The following TENM3 variants were observed in gnomAD, a reference collection of about 807,000 sequenced individuals.
TENM3 encodes the protein teneurin-3.
In TENM3, 63 loss-of-function variants were observed where a neutral mutation model predicts 255.1. The observed-to-expected ratio is 0.25, with a 90% CI of 0.20 to 0.30. The LOEUF (loss-of-function observed/expected upper bound fraction) is 0.30. Among genes scored for constraint, TENM3 ranks in the 10% least tolerant of loss-of-function variants. TENM3 has a pLI of 1.00. For synonymous variants in TENM3, 1,306 were observed against 1,322.3 expected (o/e 0.99, Z 0.27); for missense variants, 2,929 against 3,461.1 (o/e 0.85, Z 3.86).
chr4:181,605,572 G>GAAAGAAAGAAAGAAAGAAAGAA, the TENM3 span, among the ~76,000 whole-genome samples: 1 of 20,022 alleles, frequency 5.0e-5, no homozygotes, highest in Non-Finnish European at 1.3e-4. Context: ...GAAAGAAAGA[G>GAAAGAAAGAAAGAAAGAAAGAA]AGAGAAAGAA....
At chr4:181,780,940 G>A in the TENM3 span, among the ~76,000 whole-genome samples, 9 of 152,032 alleles carry the variant, frequency 5.9e-5, 1 homozygote, top group Admixed American at 1.3e-4. Flanking sequence ...ATAGGTGTGT[G>A]GTATTATTTC....
the TENM3 span, among the ~76,000 whole-genome samples, chr4:181,890,737 C>T: frequency 6.6e-6 from 1 of 152,076 alleles, no homozygotes; most frequent in Non-Finnish European, 1.5e-5. Flanking sequence ...GGGGCCCCAA[C>T]CATTTGTATG....
chr4:182,257,616 G>A (rs1758495455), intron 1 of TENM3, among the ~76,000 whole-genome samples: 1 of 152,154 alleles, frequency 6.6e-6, no homozygotes, highest in Non-Finnish European at 1.5e-5. Context: ...TAACTAACTT[G>A]CAGAAACCTG....
the TENM3 span, among the ~76,000 whole-genome samples, chr4:182,086,513 A>T: frequency 2.0e-5 from 3 of 152,194 alleles, no homozygotes; most frequent in Non-Finnish European, 2.9e-5. Flanking sequence ...GCTACGATAG[A>T]AGAAGAGAAA....
At chr4:182,263,533 T>C (rs1759013413) in intron 1 of TENM3, among the ~76,000 whole-genome samples, 1 of 152,172 alleles carries the variant, frequency 6.6e-6, no homozygotes, top group Non-Finnish European at 1.5e-5. Flanking sequence ...GTTGCACTCT[T>C]TATTAATGGC....
the TENM3 span, among the ~76,000 whole-genome samples, chr4:181,685,884 G>A: frequency 3.0e-4 from 46 of 152,138 alleles, no homozygotes; most frequent in African/African-American, 9.4e-4. Flanking sequence ...ATCTACTAGT[G>A]GGTGTTCCTA....
chr4:182,304,329 C>T (rs1029023901), intron 1 of TENM3, among the ~76,000 whole-genome samples: 3 of 152,080 alleles, frequency 2.0e-5, no homozygotes, highest in Non-Finnish European at 4.4e-5. Flanking sequence ...TCTCCTCCCT[C>T]AGCCTCTCAA....
chr4:181,652,142 T>TTA, the TENM3 span, among the ~76,000 whole-genome samples: 3 of 114,666 alleles, frequency 2.6e-5, no homozygotes, highest in East Asian at 7.7e-4. Flanking sequence ...CACTTTGGGG[T>TTA]AAAAAAAAAA....
the TENM3 span, among the ~76,000 whole-genome samples, chr4:181,694,016 C>G: frequency 6.6e-6 from 1 of 152,126 alleles, no homozygotes; most frequent in African/African-American, 2.4e-5. Context: ...TCCCACTAAG[C>G]TTTCACGTCT....
chr4:182,710,131 G>A (rs988524942), intron 12 of TENM3, among the ~76,000 whole-genome samples: 5 of 152,246 alleles, frequency 3.3e-5, no homozygotes, highest in African/African-American at 7.2e-5. Flanking sequence ...CAGGCCTAAC[G>A]TAAAAGCAAA....
chr4:181,511,434 A>AC, the TENM3 span, among the ~76,000 whole-genome samples: 3 of 152,160 alleles, frequency 2.0e-5, no homozygotes, highest in African/African-American at 7.2e-5. Context: ...CTGGAGGAGG[A>AC]GGACAGAAGG....
intron 4 of TENM3, among the ~76,000 whole-genome samples, chr4:182,606,827 A>G (rs1017274130): frequency 4.6e-5 from 7 of 152,236 alleles, no homozygotes; most frequent in African/African-American, 1.7e-4. Flanking sequence ...ATGTGAAAGA[A>G]GGTTCTAGAC....
the TENM3 span, among the ~76,000 whole-genome samples, chr4:181,744,563 A>T: frequency 2.6e-5 from 4 of 152,144 alleles, no homozygotes; most frequent in Admixed American, 1.3e-4. Flanking sequence ...TTTTTAAGGG[A>T]TATCCCTGGT....
intron 16 of TENM3, among the ~76,000 whole-genome samples, chr4:182,734,819 C>G (rs1397312216): frequency 6.6e-6 from 1 of 152,098 alleles, no homozygotes; most frequent in Non-Finnish European, 1.5e-5. Context: ...ATATTAAAAT[C>G]AAGTACAACA....
At chr4:181,669,684 C>T in the TENM3 span, among the ~76,000 whole-genome samples, 2 of 152,174 alleles carry the variant, frequency 1.3e-5, no homozygotes, top group Non-Finnish European at 2.9e-5. Flanking sequence ...GATTGCTTCT[C>T]TGCCCCCTTT....
chr4:182,528,784 A>T (rs114094826), intron 3 of TENM3, among the ~76,000 whole-genome samples: 5,469 of 152,298 alleles, frequency 0.036, 213 homozygotes, highest in African/African-American at 0.095. Flanking sequence ...TAACAGTAGT[A>T]GCCCATAAGT....
chr4:182,310,671 G>GTT (rs34944408), intron 1 of TENM3, among the ~76,000 whole-genome samples: 28 of 146,332 alleles, frequency 1.9e-4, no homozygotes, highest in African/African-American at 5.7e-4. Context: ...GGGGAAGGGT[G>GTT]TTTTTTTTTT....
intron 3 of TENM3, among the ~76,000 whole-genome samples, chr4:182,583,840 G>T (rs1475450741): frequency 6.6e-6 from 1 of 152,074 alleles, no homozygotes; most frequent in African/African-American, 2.4e-5. Context: ...TCCTTACTAG[G>T]CAGATAATGT....
chr4:182,067,429 A>G, the TENM3 span, among the ~76,000 whole-genome samples: 1 of 152,200 alleles, frequency 6.6e-6, no homozygotes, highest in Non-Finnish European at 1.5e-5. Flanking sequence ...GGCTACAAAG[A>G]CATTACTGCG....
Sources: gnomAD v4.1 joint callset for allele counts (sites outside exome capture counted in the v4.1 genomes callset) on GRCh38, gnomAD v4.1.1 for gene constraint, MANE v1.5 for transcripts, NCBI Gene and HGNC (gene_info 2026-07-23, HGNC 2026-07-21) for gene names.